The following PMM2 variants were observed in gnomAD, a reference collection of about 807,000 sequenced individuals.
The protein encoded by PMM2 is phosphomannomutase 2.
A neutral mutation model predicts 33.2 loss-of-function variants in PMM2; 35 were observed. The ratio of observed to expected loss-of-function variants is 1.06; its 90% CI spans 0.81 to 1.40. PMM2 has a LOEUF of 1.40. PMM2 is among the 40% of genes most tolerant of loss of function. The pLI is 0.00. For synonymous variants in PMM2, 153 were observed against 114.7 expected, an observed-to-expected ratio of 1.33 and a Z score of -2.13; for missense variants, 386 against 306.0, an observed-to-expected ratio of 1.26 and a Z score of -1.95.
chr16:8,847,794 C>T lies in PMM2; in HGVS notation c.710C>T (p.Thr237Met), dbSNP rs80338708. The change falls in exon 8 of 8, where the codon ACG becomes ATG. Residue 237 changes from threonine to methionine, a missense_variant. Transcript: ENST00000268261. ...MGYSVTAPEDTRRICELLFS is the reference protein window; with the variant it reads ...MGYSVTAPEDMRRICELLFS ...TACTCCGTGACAGCGCCTGAGGACACGCGCAGGATCTGTGAACTGCTGTTC... is the reference window on the plus strand; with the variant it reads ...TACTCCGTGACAGCGCCTGAGGACATGCGCAGGATCTGTGAACTGCTGTTC... 2.0e-5 allele frequency: 32 copies of T among 1,613,470 alleles called. No individual in the cohort carries two copies. The highest frequency in any genetic ancestry group is 1.2e-4 in the African/African-American group (9 of 74,928).
At chr16:8,802,268 C>T (rs544069121) in intron 2 of PMM2, 48 of 453,436 alleles carry the variant, frequency 1.1e-4, no homozygotes, top group African/African-American at 9.0e-4. Context: ...CAGCCCCCCT[C>T]ACCTCCCCAT....
intron 7 of PMM2, among the ~76,000 whole-genome samples, chr16:8,834,773 C>T (rs1361611287): frequency 2.8e-4 from 42 of 152,032 alleles, no homozygotes; most frequent in Admixed American, 1.2e-3. Context: ...CTGGTGGAAC[C>T]GCCATCAATA....
At chr16:8,821,595 C>T (rs1364503831) in intron 7 of PMM2, among the ~76,000 whole-genome samples, 3 of 152,298 alleles carry the variant, frequency 2.0e-5, no homozygotes, top group Middle Eastern at 3.4e-3. Flanking sequence ...GGCCCAGATC[C>T]GTCACAGAGC....
intron 7 of PMM2, among the ~76,000 whole-genome samples, chr16:8,819,155 AC>A (rs1875995994): frequency 6.6e-6 from 1 of 152,224 alleles, no homozygotes; most frequent in African/African-American, 2.4e-5. Context: ...TGAAAGACTC[AC>A]GCAGAGGGTT....
chr16:8,819,643 C>G (rs1237496045), intron 7 of PMM2, among the ~76,000 whole-genome samples: 1 of 150,786 alleles, frequency 6.6e-6, no homozygotes, highest in Non-Finnish European at 1.5e-5. Flanking sequence ...TATAGTGAGC[C>G]ACGATTGCGC....
chr16:8,799,374 G>T (rs1028507308), intron 1 of PMM2, among the ~76,000 whole-genome samples: 18 of 152,080 alleles, frequency 1.2e-4, no homozygotes, highest in Admixed American at 3.3e-4. Context: ...AACACACTCA[G>T]TGAAGAACTA....
At chr16:8,835,303 C>T (rs1287827492) in intron 7 of PMM2, among the ~76,000 whole-genome samples, 1 of 151,774 alleles carries the variant, frequency 6.6e-6, no homozygotes, top group Non-Finnish European at 1.5e-5. Flanking sequence ...ACAGGGAGAG[C>T]ACGTGTGTTT....
intron 7 of PMM2, among the ~76,000 whole-genome samples, chr16:8,847,431 T>C (rs1184343732): frequency 6.8e-6 from 1 of 147,590 alleles, no homozygotes; most frequent in Non-Finnish European, 1.5e-5. Flanking sequence ...GCTGATGCCT[T>C]CTGTGTAGAA....
intron 7 of PMM2, among the ~76,000 whole-genome samples, chr16:8,834,106 A>G (rs922154570): frequency 5.3e-5 from 8 of 152,224 alleles, no homozygotes; most frequent in Admixed American, 3.9e-4. Context: ...AGGAGCGTCT[A>G]TACAGGAGCT....
chr16:8,815,921 T>C (rs2060705629), intron 7 of PMM2, among the ~76,000 whole-genome samples: 1 of 151,796 alleles, frequency 6.6e-6, no homozygotes, highest in Non-Finnish European at 1.5e-5. Flanking sequence ...AAAGGGCTAG[T>C]ATCCAAAATG....
At chr16:8,814,135 G>C (rs577553065) in intron 7 of PMM2, among the ~76,000 whole-genome samples, 1 of 152,114 alleles carries the variant, frequency 6.6e-6, no homozygotes, top group East Asian at 1.9e-4. Context: ...TCAAAGTTCT[G>C]GGATGACAGG....
chr16:8,834,040 G>T (rs543012385), intron 7 of PMM2, among the ~76,000 whole-genome samples: 42 of 149,608 alleles, frequency 2.8e-4, no homozygotes, highest in Non-Finnish European at 2.8e-4. Context: ...GACAAGTTTT[G>T]GGGGGCACAG....
At chr16:8,835,986 C>T (rs889685319) in intron 7 of PMM2, among the ~76,000 whole-genome samples, 23 of 142,018 alleles carry the variant, frequency 1.6e-4, no homozygotes, top group Non-Finnish European at 3.1e-4. Context: ...TAAAGTGTCT[C>T]GGCCTAATAA....
intron 7 of PMM2, among the ~76,000 whole-genome samples, chr16:8,817,636 A>G (rs1050813639): frequency 1.3e-4 from 20 of 152,346 alleles, no homozygotes; most frequent in Non-Finnish European, 2.5e-4. Context: ...CCTGGATTCT[A>G]TTTTTAAAAT....
intron 7 of PMM2, among the ~76,000 whole-genome samples, chr16:8,835,662 A>G (rs62033468): frequency 0.24 from 35,875 of 151,908 alleles, 5,423 homozygotes; most frequent in Middle Eastern, 0.43. Flanking sequence ...GTTTTAGGAC[A>G]GGTAAAATGG....
chr16:8,800,217 C>T (rs977304607), intron 1 of PMM2, among the ~76,000 whole-genome samples: 5 of 151,894 alleles, frequency 3.3e-5, no homozygotes, highest in Non-Finnish European at 5.9e-5. Flanking sequence ...AAAGATTAGC[C>T]GAGCATGATG....
chr16:8,815,707 T>C (rs2060704278), intron 7 of PMM2, among the ~76,000 whole-genome samples: 1 of 152,100 alleles, frequency 6.6e-6, no homozygotes, highest in Admixed American at 6.5e-5. Context: ...ACACAGGACC[T>C]GAAACTGTAA....
chr16:8,834,462 C>G (rs539660051), intron 7 of PMM2, among the ~76,000 whole-genome samples: 2,590 of 151,530 alleles, frequency 0.017, 56 homozygotes, highest in African/African-American at 0.059. Flanking sequence ...GGAAAGGCCT[C>G]TACTTATCTA....
intron 1 of PMM2, among the ~76,000 whole-genome samples, chr16:8,799,186 G>A (rs1275627772): frequency 6.6e-6 from 1 of 152,142 alleles, no homozygotes; most frequent in African/African-American, 2.4e-5. Context: ...GAGTGGCTGT[G>A]TACCAATAAA....
Sources: allele counts gnomAD v4.1 joint callset (sites outside exome capture counted in the v4.1 genomes callset), GRCh38; gene constraint gnomAD v4.1.1; transcripts MANE v1.5; gene names NCBI Gene and HGNC (gene_info 2026-07-23, HGNC 2026-07-21).